The following TOGARAM2 variants were observed in gnomAD, a reference collection of about 807,000 sequenced individuals.
TOGARAM2 encodes TOG array regulator of axonemal microtubules protein 2.
A neutral mutation model predicts 93.3 loss-of-function variants in TOGARAM2; 85 were observed. The observed-to-expected ratio is 0.91, with a 90% CI of 0.76 to 1.09. The LOEUF (loss-of-function observed/expected upper bound fraction) is 1.09. TOGARAM2 is among the 50% of genes least tolerant of loss of function. TOGARAM2 has a pLI of 0.00. For missense variants in TOGARAM2, 1,277 were observed against 1,334.5 expected (o/e 0.96, Z 0.67); for synonymous variants, 593 against 552.8 (o/e 1.07, Z -1.02).
chr2:28,983,200 T>TATATATA (rs1558400424), intron 1 of TOGARAM2, among the ~76,000 whole-genome samples: 25 of 21,250 alleles, frequency 1.2e-3, no homozygotes, highest in African/African-American at 4.0e-3. Context: ...ATATATATAT[T>TATATATA]TTTTTTTTTT....
At chr2:28,978,260 G>A (rs924419352), upstream of TOGARAM2, among the ~76,000 whole-genome samples, 21 of 152,220 alleles carry the variant, frequency 1.4e-4, no homozygotes, top group Admixed American at 9.8e-4. Flanking sequence ...CTTTTGGGGT[G>A]GAGGGAACAG....
At chr2:28,998,033 G>A in intron 2 of TOGARAM2, 110 bp from the exon 3 acceptor site, 1 of 678,822 alleles carries the variant, frequency 1.5e-6, no homozygotes, top group Non-Finnish European at 2.4e-6. Flanking sequence ...TTTTGGGCAG[G>A]GACCCTGCGG....
intron 6 of TOGARAM2, among the ~76,000 whole-genome samples, chr2:29,005,467 G>C (rs1453252025): frequency 1.9e-5 from 1 of 51,504 alleles, no homozygotes; most frequent in Non-Finnish European, 5.6e-5. Context: ...ATGTGTGACT[G>C]CATGTGTGTG....
intron 1 of TOGARAM2, among the ~76,000 whole-genome samples, chr2:28,991,454 C>T (rs987730579): frequency 3.9e-5 from 6 of 152,242 alleles, no homozygotes; most frequent in Admixed American, 3.9e-4. Flanking sequence ...GCCTGGCTCA[C>T]CCCTCCTTCC....
chr2:28,974,973 A>G (rs1672002483), intron 1 of TOGARAM2, among the ~76,000 whole-genome samples: 1 of 151,530 alleles, frequency 6.6e-6, no homozygotes, highest in African/African-American at 2.4e-5. Flanking sequence ...GTTGGTTGCT[A>G]TCGAGTAATT....
chr2:29,006,996 C>T (rs1558426047), intron 6 of TOGARAM2, among the ~76,000 whole-genome samples: 1 of 152,154 alleles, frequency 6.6e-6, no homozygotes, highest in Non-Finnish European at 1.5e-5. Flanking sequence ...TTTTCTGCAT[C>T]CTGACTTTAT....
intron 8 of TOGARAM2, among the ~76,000 whole-genome samples, chr2:29,016,216 A>G (rs1236468294): frequency 2.0e-5 from 3 of 152,052 alleles, no homozygotes; most frequent in Non-Finnish European, 4.4e-5. Flanking sequence ...CGCACCTCAT[A>G]TATCAGCGAA....
chr2:28,977,826 T>C (rs1319479274), upstream of TOGARAM2, among the ~76,000 whole-genome samples: 1 of 152,144 alleles, frequency 6.6e-6, no homozygotes, highest in Non-Finnish European at 1.5e-5. Flanking sequence ...GGCACCTCTT[T>C]TCTAGAGAGT....
At chr2:28,996,034 C>G (rs1672973545) in intron 2 of TOGARAM2, among the ~76,000 whole-genome samples, 1 of 152,152 alleles carries the variant, frequency 6.6e-6, no homozygotes, top group African/African-American at 2.4e-5. Context: ...CAGAGAGAGG[C>G]ATGGGGAAGA....
At chr2:28,980,289 TG>T (rs2148232030), upstream of TOGARAM2, among the ~76,000 whole-genome samples, 1 of 152,322 alleles carries the variant, frequency 6.6e-6, no homozygotes, top group East Asian at 1.9e-4. Context: ...CTGCCCTCCC[TG>T]GCCATCTCAG....
At chr2:29,033,872 G>A (rs757764782) in intron 16 of TOGARAM2, among the ~76,000 whole-genome samples, 5 of 152,092 alleles carry the variant, frequency 3.3e-5, no homozygotes, top group Admixed American at 1.3e-4. Flanking sequence ...GTGTTTCCTC[G>A]TTCGCTTAGA....
intron 2 of TOGARAM2, 76 bp from the exon 3 acceptor site, chr2:28,998,067 C>A: frequency 9.8e-7 from 1 of 1,024,284 alleles, no homozygotes; most frequent in Non-Finnish European, 1.4e-6. Context: ...GGGTTACGGC[C>A]GGGTGTTCTT....
At chr2:28,999,603 C>T (rs1673180294) in intron 4 of TOGARAM2, 135 bp downstream of exon 4, 1 of 1,015,962 alleles carries the variant, frequency 9.8e-7, no homozygotes, top group Non-Finnish European at 1.4e-6. Context: ...GGGTACATAC[C>T]AGGTACCTTC....
chr2:28,973,371 C>CTTCCCTTCCTTCT (rs139046184), intron 1 of TOGARAM2, among the ~76,000 whole-genome samples: 18,562 of 129,466 alleles, frequency 0.14, 1,866 homozygotes, highest in East Asian at 0.65. Flanking sequence ...TTCCTCCTTC[C>CTTCCCTTCCTTCT]TTCCCTTCCT....
intron 16 of TOGARAM2, among the ~76,000 whole-genome samples, chr2:29,033,987 G>C (rs765150877): frequency 1.6e-4 from 24 of 152,130 alleles, no homozygotes; most frequent in Non-Finnish European, 2.1e-4. Context: ...CTGGGAGGAG[G>C]GGGTGTGGGG....
intron 14 of TOGARAM2, among the ~76,000 whole-genome samples, chr2:29,031,132 T>C (rs1241787643): frequency 6.6e-6 from 1 of 152,244 alleles, no homozygotes; most frequent in Non-Finnish European, 1.5e-5. Flanking sequence ...TGGGCTTCAG[T>C]TGGGCTAGGC....
intron 1 of TOGARAM2, among the ~76,000 whole-genome samples, chr2:28,986,559 C>G (rs1672478741): frequency 1.3e-5 from 2 of 152,186 alleles, no homozygotes; most frequent in African/African-American, 4.8e-5. Flanking sequence ...TTCTTCCCAG[C>G]AACGTGCTAC....
At chr2:29,023,226 C>A in intron 12 of TOGARAM2, 35 bp downstream of exon 12, 1 of 1,524,674 alleles carries the variant, frequency 6.6e-7, no homozygotes, top group African/African-American at 1.4e-5. Context: ...GTGCATTTGG[C>A]CCCACTGCAG....
At chr2:29,023,617 G>T (rs1426569278) in intron 12 of TOGARAM2, among the ~76,000 whole-genome samples, 1 of 152,166 alleles carries the variant, frequency 6.6e-6, no homozygotes, top group Non-Finnish European at 1.5e-5. Context: ...GCTGTGCCCT[G>T]CCCTTGGGAG....
Sources: allele counts gnomAD v4.1 joint callset (sites outside exome capture counted in the v4.1 genomes callset), GRCh38; gene constraint gnomAD v4.1.1; transcripts MANE v1.5; gene names NCBI Gene and HGNC (gene_info 2026-07-23, HGNC 2026-07-21).